OSBP2: variants seen among roughly 807,000 people sequenced by gnomAD.
The protein encoded by OSBP2 is oxysterol-binding protein 2.
OSBP2 carries 66 observed loss-of-function variants against 96.0 expected under a neutral mutation model. The ratio of observed to expected loss-of-function variants is 0.69; its 90% CI spans 0.56 to 0.84. The LOEUF (loss-of-function observed/expected upper bound fraction) is 0.84. Among genes scored for constraint, OSBP2 ranks in the 40% least tolerant of loss-of-function variants. The probability of loss-of-function intolerance (pLI) is 0.00; values close to 1 mark genes in which losing one functional copy is unlikely to be tolerated. For missense variants in OSBP2, 1,038 were observed against 1,222.7 expected, an observed-to-expected ratio of 0.85 and a Z score of 2.25; for synonymous variants, 525 against 520.9, an observed-to-expected ratio of 1.01 and a Z score of -0.11.
chr22:30,882,457 G>T (rs1409494538), intron 3 of OSBP2, among the ~76,000 whole-genome samples: 1 of 151,134 alleles, frequency 6.6e-6, no homozygotes, highest in Non-Finnish European at 1.5e-5. Context: ...CCTTGGGCGA[G>T]TCCCTCAGTC....
At chr22:30,807,292 C>A (rs2090941254) in intron 2 of OSBP2, among the ~76,000 whole-genome samples, 1 of 152,174 alleles carries the variant, frequency 6.6e-6, no homozygotes, top group African/African-American at 2.4e-5. Context: ...TCATTTTCTA[C>A]CACATTTTCT....
chr22:30,722,787 CTTTTT>C, intron 1 of OSBP2, among the ~76,000 whole-genome samples: 1 of 95,886 alleles, frequency 1.0e-5, no homozygotes, highest in Admixed American at 1.2e-4. Context: ...CTCTCTCTGT[CTTTTT>C]TTTTTTTTTT....
chr22:30,701,705 C>T (rs925467008), intron 1 of OSBP2, among the ~76,000 whole-genome samples: 2 of 152,146 alleles, frequency 1.3e-5, no homozygotes, highest in African/African-American at 4.8e-5. Context: ...AGTTGCAAAG[C>T]GTCCCTGAAA....
At chr22:30,713,157 C>A (rs534350061) in intron 1 of OSBP2, among the ~76,000 whole-genome samples, 3 of 150,914 alleles carry the variant, frequency 2.0e-5, no homozygotes, top group African/African-American at 7.3e-5. Flanking sequence ...CGGCTCACTG[C>A]AAGCTCCGCC....
At chr22:30,844,036 A>C (rs2038815993) in intron 2 of OSBP2, among the ~76,000 whole-genome samples, 1 of 152,052 alleles carries the variant, frequency 6.6e-6, no homozygotes, top group South Asian at 2.1e-4. Flanking sequence ...CAACATGCCC[A>C]GCTTACTTTT....
At chr22:30,798,222 G>A (rs776463814) in intron 2 of OSBP2, among the ~76,000 whole-genome samples, 1 of 152,186 alleles carries the variant, frequency 6.6e-6, no homozygotes, top group Non-Finnish European at 1.5e-5. Context: ...TTGGCCATTT[G>A]TGTATCTTCT....
intron 12 of OSBP2, among the ~76,000 whole-genome samples, chr22:30,896,979 A>G (rs2040081764): frequency 6.6e-6 from 1 of 152,172 alleles, no homozygotes; most frequent in African/African-American, 2.4e-5. Flanking sequence ...AGATACCCAG[A>G]CCTTCTAAGA....
chr22:30,829,913 G>A (rs193094752), intron 2 of OSBP2, among the ~76,000 whole-genome samples: 1 of 152,352 alleles, frequency 6.6e-6, no homozygotes, highest in African/African-American at 2.4e-5. Flanking sequence ...TAAGACAGGT[G>A]ACCCGACGGG....
chr22:30,897,213 G>T (rs1440666175), intron 12 of OSBP2, among the ~76,000 whole-genome samples: 1 of 152,112 alleles, frequency 6.6e-6, no homozygotes. Flanking sequence ...CTCAAAAATA[G>T]ACAAAGCACA....
intron 1 of OSBP2, among the ~76,000 whole-genome samples, chr22:30,739,173 A>G (rs1045702098): frequency 6.6e-6 from 1 of 152,202 alleles, no homozygotes. Context: ...TGGAAATGGC[A>G]TACACTTTAG....
chr22:30,727,977 T>C (rs1046310079), intron 1 of OSBP2, among the ~76,000 whole-genome samples: 1 of 151,130 alleles, frequency 6.6e-6, no homozygotes, highest in Non-Finnish European at 1.5e-5. Context: ...TGGTGGTGCG[T>C]GTCTGTAGTC....
chr22:30,863,635 C>T (rs1040951373), intron 2 of OSBP2, among the ~76,000 whole-genome samples: 4 of 152,150 alleles, frequency 2.6e-5, no homozygotes, highest in Non-Finnish European at 5.9e-5. Context: ...TGCCAGGGCT[C>T]GGGGACTAGG....
At chr22:30,877,486 G>T (rs1359982641) in intron 3 of OSBP2, among the ~76,000 whole-genome samples, 1 of 152,160 alleles carries the variant, frequency 6.6e-6, no homozygotes, top group African/African-American at 2.4e-5. Context: ...CTTGTACAGT[G>T]GCACTGCCTC....
At chr22:30,854,769 T>C (rs1289624864) in intron 2 of OSBP2, among the ~76,000 whole-genome samples, 2 of 152,212 alleles carry the variant, frequency 1.3e-5, no homozygotes, top group East Asian at 1.9e-4. Context: ...ACATCTCTTA[T>C]GGAGTAAGTG....
chr22:30,869,029 G>A, intron 2 of OSBP2, among the ~76,000 whole-genome samples: 1 of 152,224 alleles, frequency 6.6e-6, no homozygotes, highest in East Asian at 1.9e-4. Context: ...ACTGGGTGGT[G>A]TCAGCCTCTT....
intron 2 of OSBP2, among the ~76,000 whole-genome samples, chr22:30,754,896 C>T (rs2090122178): frequency 6.6e-6 from 1 of 152,214 alleles, no homozygotes; most frequent in Non-Finnish European, 1.5e-5. Flanking sequence ...TAGCTTTCTG[C>T]TGACTACATC....
intron 1 of OSBP2, among the ~76,000 whole-genome samples, chr22:30,721,043 G>A (rs886666134): frequency 6.6e-6 from 1 of 152,054 alleles, no homozygotes; most frequent in East Asian, 1.9e-4. Flanking sequence ...TGGTCAACAT[G>A]GTGAAACCCC....
At chr22:30,728,929 A>G (rs2089699162) in intron 1 of OSBP2, among the ~76,000 whole-genome samples, 1 of 152,192 alleles carries the variant, frequency 6.6e-6, no homozygotes, top group Non-Finnish European at 1.5e-5. Flanking sequence ...TTGTTTTCAG[A>G]TTTTGGCTTT....
intron 2 of OSBP2, among the ~76,000 whole-genome samples, chr22:30,813,582 G>A (rs1301760081): frequency 6.6e-6 from 1 of 152,004 alleles, no homozygotes; most frequent in African/African-American, 2.4e-5. Flanking sequence ...CATGCTGTCT[G>A]TCCTGCCCAT....
Sources: allele counts gnomAD v4.1 joint callset (sites outside exome capture counted in the v4.1 genomes callset), GRCh38; gene constraint gnomAD v4.1.1; transcripts MANE v1.5; gene names NCBI Gene and HGNC (gene_info 2026-07-23, HGNC 2026-07-21).